The following KIAA1217 variants were observed in gnomAD, a reference collection of about 807,000 sequenced individuals.
The protein encoded by KIAA1217 is KIAA1217.
KIAA1217 carries 88 observed loss-of-function variants against 163.9 expected under a neutral mutation model. That is an observed-to-expected ratio of 0.54 (90% confidence interval 0.45 to 0.64). The LOEUF (loss-of-function observed/expected upper bound fraction) is 0.64, where lower values mean the gene tolerates loss of function less well. KIAA1217 is among the 30% of genes least tolerant of loss of function. The pLI is 0.00. For synonymous variants in KIAA1217, 903 were observed against 923.1 expected (o/e 0.98, Z 0.39); for missense variants, 2,372 against 2,475.0 (o/e 0.96, Z 0.88).
At chr10:24,027,060 TA>T (rs907683162) in intron 2 of KIAA1217, among the ~76,000 whole-genome samples, 4 of 152,064 alleles carry the variant, frequency 2.6e-5, no homozygotes, top group African/African-American at 9.7e-5. Flanking sequence ...TTTGGGGCTT[TA>T]AAAAATATCT....
chr10:23,852,541 A>G (rs974420016), intron 1 of KIAA1217, among the ~76,000 whole-genome samples: 2 of 152,156 alleles, frequency 1.3e-5, no homozygotes, highest in African/African-American at 4.8e-5. Context: ...TTTTTTTCCA[A>G]TTCTGTGAAG....
chr10:24,093,697 T>C (rs2062030285), intron 2 of KIAA1217, among the ~76,000 whole-genome samples: 1 of 151,316 alleles, frequency 6.6e-6, no homozygotes, highest in African/African-American at 2.5e-5. Context: ...ATGGGCACAA[T>C]GTGCAGGTTA....
chr10:24,501,730 T>TTC (rs2067627719), intron 9 of KIAA1217, among the ~76,000 whole-genome samples, 185 bp downstream of exon 9: 1 of 16,490 alleles, frequency 6.1e-5, no homozygotes, highest in African/African-American at 6.8e-4. Context: ...TAACCACTTC[T>TTC]TTTTTTTTTT....
intron 1 of KIAA1217, among the ~76,000 whole-genome samples, chr10:23,985,741 G>T (rs1224503967): frequency 6.6e-6 from 1 of 152,212 alleles, no homozygotes; most frequent in Non-Finnish European, 1.5e-5. Context: ...CCAGGTTGAG[G>T]TTGGATTCAA....
In KIAA1217 at chr10:24,488,734, G is replaced by GT. The variant is rs559552214; in HGVS notation, c.1680-5757dup. ...TGAAAACAGTCTTTAATTACTTTGG[G>GT]TTTTTTTTTCCTCATACCAGAGTCA... is the stretch of plus-strand genomic sequence containing the variant. On this transcript the variant is annotated intron_variant, in intron 6 of 20. Transcript: ENST00000376454. Among the ~76,000 whole-genome samples the GT allele has an allele frequency of 8.6e-5, 13 of 151,738 alleles. 1 individual carries two copies. The highest frequency in any genetic ancestry group is 2.1e-4 in the South Asian group (1 of 4,782).
rs1843611523 is a variant in KIAA1217 at position 23,938,149 on chromosome 10, A to G, written c.-320-69076A>G. ...TAAGGTTGGAGAATGAACCACTCAA[A>G]AGGTCACGCAGAACTTTCCTCAGAG... is the stretch of plus-strand genomic sequence containing the variant. On this transcript the variant is annotated intron_variant, in intron 1 of 18. Coordinates refer to the KIAA1217 transcript ENST00000376462. 2.0e-5 allele frequency among the ~76,000 whole-genome samples: 3 copies of G among 152,184 alleles called. No individual in the cohort carries two copies. In the South Asian group the frequency reaches 6.2e-4, roughly 32 times the overall value.
At position 24,545,956 on chromosome 10, in the gene KIAA1217, A is replaced by C. The variant is rs758905081; in HGVS notation, c.5464A>C (p.Ser1822Arg). 1 of 1,614,048 alleles carries C rather than the reference A, an allele frequency of 6.2e-7. No individual in the cohort carries two copies. The highest frequency in any genetic ancestry group is 1.7e-5 in the Admixed American group (1 of 60,002). The change falls in exon 21 of 21, where the codon AGC (serine) becomes CGC (arginine). Residue 1822 changes from serine (S) to arginine (R), a missense_variant. Coordinates refer to ENST00000376454, the MANE Select transcript of KIAA1217 (RefSeq NM_019590.5). ...SSSLPSSSGDSSNLPNPPATK... is the reference protein window; with the variant it reads ...SSSLPSSSGDRSNLPNPPATK... ...TTCTCTGCCCTCTTCTAGTGGTGAC[A>C]GCTCTAACCTCCCTAATCCACCTGC...
intron 2 of KIAA1217, among the ~76,000 whole-genome samples, chr10:24,372,938 C>T (rs1284453309): frequency 6.6e-6 from 1 of 152,202 alleles, no homozygotes; most frequent in Admixed American, 6.5e-5. Context: ...CCAAATCAAA[C>T]CAATCTATCC....
chr10:24,387,992 T>C (rs2054260656), intron 3 of KIAA1217, among the ~76,000 whole-genome samples: 1 of 152,164 alleles, frequency 6.6e-6, no homozygotes, highest in Non-Finnish European at 1.5e-5. Context: ...AGGTAATTTA[T>C]AGATTCAATG....
Position 24,377,456 on chromosome 10 carries a change from A to G in KIAA1217, c.355-3413A>G, listed in dbSNP as rs192260324. On this transcript the variant is annotated intron_variant, in intron 2 of 20. Transcript: ENST00000376454. ...AGCTTCAAACACCAAGCTGTAGGCC[A>G]TGCATGACTGAGAAAAGTTTTCACC... is the stretch of plus-strand genomic sequence containing the variant. 8.3e-3 allele frequency among the ~76,000 whole-genome samples: 1,262 copies of G among 152,310 alleles called. 28 individuals are homozygous for G. Among genetic ancestry groups the G allele is most frequent in the Non-Finnish European group, 8.0e-3 (547 of 68,026 alleles).
At chr10:24,534,373 A>T (rs1327466887) in intron 16 of KIAA1217, among the ~76,000 whole-genome samples, 2 of 152,224 alleles carry the variant, frequency 1.3e-5, no homozygotes, top group African/African-American at 4.8e-5. Flanking sequence ...AATTGTTTTC[A>T]TAGGAACTAC....
intron 2 of KIAA1217, among the ~76,000 whole-genome samples, chr10:24,359,598 G>A (rs576138409): frequency 6.6e-6 from 1 of 152,262 alleles, no homozygotes; most frequent in South Asian, 2.1e-4. Context: ...CAGATAGTAA[G>A]TGTTGAAAAT....
intron 2 of KIAA1217, among the ~76,000 whole-genome samples, chr10:24,060,963 G>T (rs1371165665): frequency 1.3e-5 from 2 of 152,082 alleles, no homozygotes; most frequent in Admixed American, 1.3e-4. Context: ...TGTTGTAAAA[G>T]GTTGCTCAAA....
intron 1 of KIAA1217, among the ~76,000 whole-genome samples, chr10:23,983,740 T>A (rs1286775066): frequency 6.6e-6 from 1 of 152,170 alleles, no homozygotes; most frequent in Non-Finnish European, 1.5e-5. Flanking sequence ...ACTGCAAACA[T>A]TCACCCTGTG....
At chr10:23,746,820 A>G (rs900506151) in intron 1 of KIAA1217, among the ~76,000 whole-genome samples, 3 of 152,088 alleles carry the variant, frequency 2.0e-5, no homozygotes, top group Non-Finnish European at 4.4e-5. Context: ...GTGGGACAAA[A>G]TGATTTGCTT....
chr10:24,243,646 A>G (rs539997604), intron 2 of KIAA1217, among the ~76,000 whole-genome samples: 24 of 136,214 alleles, frequency 1.8e-4, no homozygotes, highest in African/African-American at 6.0e-4. Flanking sequence ...ATACAGGAAT[A>G]TATATATATA....
intron 5 of KIAA1217, among the ~76,000 whole-genome samples, chr10:24,464,536 C>T (rs182762546): frequency 2.4e-4 from 36 of 152,182 alleles, no homozygotes; most frequent in African/African-American, 7.7e-4. Context: ...CAGGCTGGAG[C>T]GCAATGGTGT....
intron 1 of KIAA1217, among the ~76,000 whole-genome samples, chr10:23,831,717 T>C (rs968637870): frequency 3.3e-5 from 5 of 152,198 alleles, no homozygotes; most frequent in Admixed American, 1.3e-4. Context: ...TTTTCATTCT[T>C]CTTGTGGTTA....
intron 5 of KIAA1217, among the ~76,000 whole-genome samples, chr10:24,447,094 G>A (rs548553668): frequency 2.0e-5 from 3 of 151,954 alleles, no homozygotes; most frequent in South Asian, 2.1e-4. Flanking sequence ...GTCCCTTCTC[G>A]AAACTTCCAT....
Sources: allele counts gnomAD v4.1 joint callset (sites outside exome capture counted in the v4.1 genomes callset), GRCh38; gene constraint gnomAD v4.1.1; transcripts MANE v1.5; gene names NCBI Gene and HGNC (gene_info 2026-07-23, HGNC 2026-07-21).